Variants in ERI1 observed in about 807,000 individuals in gnomAD.
ERI1 encodes 3'-5' exoribonuclease 1.
ERI1 carries 39 observed loss-of-function variants against 39.7 expected under a neutral mutation model. The observed-to-expected ratio is 0.98, with a 90% CI of 0.76 to 1.28. The LOEUF (loss-of-function observed/expected upper bound fraction) is 1.28, where lower values mean the gene tolerates loss of function less well. ERI1 is among the 50% of genes most tolerant of loss of function. The pLI is 0.00. For missense variants in ERI1, 581 were observed against 416.9 expected (o/e 1.39, Z -3.43); for synonymous variants, 204 against 149.6 (o/e 1.36, Z -2.65).
chr8:9,069,019 G>A (rs982627462), intron 3 of ERI1, among the ~76,000 whole-genome samples: 4 of 152,120 alleles, frequency 2.6e-5, no homozygotes, highest in Admixed American at 6.5e-5. Context: ...GGGCCGCGCT[G>A]TGTGGCCCAG....
chr8:9,059,301 C>T (rs180921952), intron 3 of ERI1, among the ~76,000 whole-genome samples: 40 of 152,138 alleles, frequency 2.6e-4, no homozygotes, highest in African/African-American at 9.6e-4. Context: ...AGCTTGGGCT[C>T]AGAGGCCTGA....
chr8:9,014,847 G>GTTTTGT (rs1554516095), intron 3 of ERI1, among the ~76,000 whole-genome samples: 11 of 151,336 alleles, frequency 7.3e-5, no homozygotes, highest in Admixed American at 5.9e-4. Flanking sequence ...GTTTTGTTTT[G>GTTTTGT]TTTTTTTTGA....
intron 3 of ERI1, among the ~76,000 whole-genome samples, chr8:9,055,148 A>C (rs1284083762): frequency 6.6e-6 from 1 of 152,200 alleles, no homozygotes; most frequent in East Asian, 1.9e-4. Flanking sequence ...GAAAAAAGAG[A>C]GTGACATACA....
intron 3 of ERI1, among the ~76,000 whole-genome samples, chr8:9,054,454 T>C (rs1798447094): frequency 6.6e-6 from 1 of 152,150 alleles, no homozygotes; most frequent in South Asian, 2.1e-4. Context: ...ATCCCTTTCC[T>C]CCCCATCGTA....
intron 3 of ERI1, among the ~76,000 whole-genome samples, chr8:9,059,223 G>A (rs536326835): frequency 1.7e-4 from 26 of 152,274 alleles, no homozygotes; most frequent in African/African-American, 5.1e-4. Flanking sequence ...GTGGTGGAAT[G>A]TCATCAGTTA....
chr8:9,045,860 G>T (rs932242711), intron 3 of ERI1, among the ~76,000 whole-genome samples: 1 of 151,668 alleles, frequency 6.6e-6, no homozygotes, highest in Non-Finnish European at 1.5e-5. Context: ...TGTATTTTTA[G>T]TAGAGATGGG....
At chr8:9,009,293 C>T (rs1816416224) in intron 2 of ERI1, among the ~76,000 whole-genome samples, 1 of 151,918 alleles carries the variant, frequency 6.6e-6, no homozygotes, top group Non-Finnish European at 1.5e-5. Flanking sequence ...ACAGAGTGGC[C>T]AATGCTATAT....
At position 9,058,811 on chromosome 8, in the gene ERI1, A is replaced by T. The variant is rs528760886; in HGVS notation, n.299+38347A>T. ...CACACATCTGTGAAATAGGCCAAAA[A>T]AAATAAATAAATAAACAGCAACTTC... On this transcript the variant is annotated intron_variant and non_coding_transcript_variant, in intron 3 of 3. Coordinates refer to the ERI1 transcript ENST00000518663. Among the ~76,000 whole-genome samples the T allele has an allele frequency of 6.7e-4, 101 of 151,072 alleles. 1 individual carries two copies. The highest frequency in any genetic ancestry group is 2.3e-3 in the African/African-American group (96 of 41,368).
chr8:9,017,932 A>T (rs571843599), intron 4 of ERI1, among the ~76,000 whole-genome samples: 7 of 152,142 alleles, frequency 4.6e-5, no homozygotes, highest in African/African-American at 9.7e-5. Context: ...GTGAGACCTG[A>T]GATGGGAAGA....
intron 3 of ERI1, among the ~76,000 whole-genome samples, chr8:9,095,541 T>C (rs1296010005): frequency 6.6e-6 from 1 of 152,102 alleles, no homozygotes; most frequent in African/African-American, 2.4e-5. Context: ...GGTCTCACTC[T>C]GAAACCCAGG....
At chr8:9,080,417 C>G (rs148924654) in intron 3 of ERI1, among the ~76,000 whole-genome samples, 1 of 152,192 alleles carries the variant, frequency 6.6e-6, no homozygotes, top group South Asian at 2.1e-4. Context: ...AGTGACATTT[C>G]TCCTTGCAGC....
intron 3 of ERI1, among the ~76,000 whole-genome samples, chr8:9,066,099 C>T (rs920180306): frequency 6.6e-6 from 1 of 152,288 alleles, no homozygotes; most frequent in East Asian, 1.9e-4. Flanking sequence ...CTGTTTGCCA[C>T]CAGGGGCTCT....
At chr8:9,017,970 A>G (rs1817481285) in intron 4 of ERI1, among the ~76,000 whole-genome samples, 2 of 152,198 alleles carry the variant, frequency 1.3e-5, no homozygotes, top group African/African-American at 4.8e-5. Context: ...CTTTCAGCTT[A>G]GAAGAGATTT....
Position 9,011,646 on chromosome 8 carries a change from GTAT to G in ERI1, c.397_399del (p.Ile133del), listed in dbSNP as rs1816683388. The stretch of plus-strand genomic sequence containing the variant: ...GCTGACAGTTATTATGACTACATTT[GTAT>G]TATTGACTTTGAAGCCACTTGTGAA... On this transcript the variant is annotated inframe_deletion, in exon 3 of 7. Transcript: ENST00000250263. The G allele has an allele frequency of 6.2e-7, 1 of 1,613,556 alleles. No homozygotes were observed.
intron 3 of ERI1, among the ~76,000 whole-genome samples, chr8:9,087,570 G>T (rs906290664): frequency 1.7e-4 from 26 of 151,826 alleles, no homozygotes; most frequent in African/African-American, 2.2e-4. Flanking sequence ...TTTTTATTTT[G>T]ATTTTTATTT....
intron 5 of ERI1, among the ~76,000 whole-genome samples, chr8:9,019,419 T>C (rs1817650572): frequency 6.6e-6 from 1 of 152,198 alleles, no homozygotes; most frequent in Non-Finnish European, 1.5e-5. Flanking sequence ...CATTACTGAT[T>C]TTAAACATGA....
rs1797644628 is a variant in ERI1 at position 9,032,338 on chromosome 8, G to A, written c.*2304G>A. On this transcript the variant is annotated 3_prime_UTR_variant, in exon 7 of 7. Transcript: ENST00000250263. ...TTAGCTGTGTTAACTTTTATTCTAT[G>A]CTTCATATGCTCTGACATTGACATA... 6.6e-6 allele frequency: 1 copy of A among 151,978 alleles called. No individual in the cohort carries two copies. The highest frequency in any genetic ancestry group is 1.5e-5 in the Non-Finnish European group (1 of 67,986). The allele number at this position is 151,978 out of a possible 1,614,324, so 9.4% of individuals were successfully genotyped here.
At chr8:9,029,730 CTG>C in intron 6 of ERI1, 60 bp from the exon 7 acceptor site, 1 of 1,580,286 alleles carries the variant, frequency 6.3e-7, no homozygotes, top group Non-Finnish European at 8.7e-7. Context: ...TTCATCTTAA[CTG>C]TGGCTTATAT....
rs962503111 is a variant in ERI1, at chr8:9,097,300, C to T, written n.300-19048C>T. Among the ~76,000 whole-genome samples the T allele has an allele frequency of 3.9e-5, 6 of 152,090 alleles. No homozygotes were observed. In the South Asian group the frequency reaches 1.2e-3, roughly 32 times the overall value. On this transcript the variant is annotated intron_variant and non_coding_transcript_variant, in intron 3 of 3. Coordinates refer to the ERI1 transcript ENST00000518663. ...TCATTAACAGTCGAGTGTTTTTGTGCTAGGCATTGCATTTGGTACTGGGGA... is the reference window on the plus strand; with the variant it reads ...TCATTAACAGTCGAGTGTTTTTGTGTTAGGCATTGCATTTGGTACTGGGGA...
Sources: allele counts gnomAD v4.1 joint callset (sites outside exome capture counted in the v4.1 genomes callset), GRCh38; gene constraint gnomAD v4.1.1; transcripts MANE v1.5; gene names NCBI Gene and HGNC (gene_info 2026-07-23, HGNC 2026-07-21).